The following MCTP2 variants were observed in gnomAD, a reference collection of about 807,000 sequenced individuals.
The protein encoded by MCTP2 is multiple C2 and transmembrane domain containing 2.
A neutral mutation model predicts 111.6 loss-of-function variants in MCTP2; 132 were observed. That is an observed-to-expected ratio of 1.18 (90% CI 1.03 to 1.37). MCTP2 has a LOEUF of 1.37. MCTP2 is among the 40% of genes most tolerant of loss of function. The pLI is 0.00. For synonymous variants in MCTP2, 395 were observed against 387.7 expected, an observed-to-expected ratio of 1.02 and a Z score of -0.22; for missense variants, 1,183 against 1,067.9, an observed-to-expected ratio of 1.11 and a Z score of -1.50.
intron 1 of MCTP2, among the ~76,000 whole-genome samples, chr15:94,244,058 A>G (rs2071445309): frequency 6.8e-6 from 1 of 147,372 alleles, no homozygotes; most frequent in Admixed American, 6.7e-5. Context: ...ATGTATACAC[A>G]TACATATGTG....
chr15:94,364,424 A>G (rs936056446), intron 10 of MCTP2, among the ~76,000 whole-genome samples: 1 of 152,212 alleles, frequency 6.6e-6, no homozygotes, highest in Non-Finnish European at 1.5e-5. Flanking sequence ...AGCAGTGACT[A>G]GAAAGACATA....
At chr15:94,387,043 T>C (rs1012221386) in intron 14 of MCTP2, among the ~76,000 whole-genome samples, 2 of 152,122 alleles carry the variant, frequency 1.3e-5, no homozygotes, top group Non-Finnish European at 2.9e-5. Flanking sequence ...ACCTCGTATT[T>C]TGAAGGATCT....
chr15:94,320,128 A>G (rs1446240198), intron 4 of MCTP2, among the ~76,000 whole-genome samples: 6 of 144,898 alleles, frequency 4.1e-5, no homozygotes, highest in Admixed American at 7.4e-5. Context: ...AGGAGGGAGA[A>G]TAGTTTATTA....
chr15:94,442,685 A>C (rs1229751984), intron 18 of MCTP2, among the ~76,000 whole-genome samples: 1 of 152,222 alleles, frequency 6.6e-6, no homozygotes, highest in Admixed American at 6.5e-5. Flanking sequence ...TTCAAAGGGC[A>C]CTGGCCTAAT....
At chr15:94,351,859 C>T (rs891761269) in intron 8 of MCTP2, among the ~76,000 whole-genome samples, 6 of 152,180 alleles carry the variant, frequency 3.9e-5, no homozygotes, top group Non-Finnish European at 7.3e-5. Flanking sequence ...GGCTCCAGCT[C>T]CTGACTTCAT....
rs899891373 is a variant in MCTP2 at position 94,301,380 on chromosome 15, C to G, written c.465+2650C>G. Among the ~76,000 whole-genome samples, 4 of 152,190 alleles carry G rather than the reference C, an allele frequency of 2.6e-5. No homozygotes were observed. In the East Asian group the frequency reaches 7.7e-4, roughly 29 times the overall value. On this transcript the variant is annotated intron_variant, in intron 2 of 22. Coordinates refer to ENST00000357742, the MANE Select transcript of MCTP2 (RefSeq NM_001385001.1). Reference sequence around the variant, plus strand: ...TGTTTGAGTTGGGCCTGTCCCACTACCCAGTCTGAGTTCCAAAACTGAAGA... The same window carrying G: ...TGTTTGAGTTGGGCCTGTCCCACTAGCCAGTCTGAGTTCCAAAACTGAAGA...
intron 7 of MCTP2, 79 bp downstream of exon 7, chr15:94,341,003 C>T: frequency 1.1e-6 from 1 of 871,342 alleles, no homozygotes; most frequent in Non-Finnish European, 1.9e-6. Flanking sequence ...CCCTTGATAG[C>T]TAGCAGATGA....
chr15:94,280,595 A>G (rs1166011093), intron 1 of MCTP2, among the ~76,000 whole-genome samples: 1 of 150,804 alleles, frequency 6.6e-6, no homozygotes, highest in Non-Finnish European at 1.5e-5. Flanking sequence ...TCTCAATTTG[A>G]TTCAGTTCAA....
chr15:94,390,594 A>G (rs1213727321), intron 14 of MCTP2, among the ~76,000 whole-genome samples: 1 of 152,182 alleles, frequency 6.6e-6, no homozygotes, highest in Non-Finnish European at 1.5e-5. Context: ...CAATGGACCC[A>G]TTTCAGAAGA....
At chr15:94,333,006 G>T (rs1233113236) in intron 4 of MCTP2, among the ~76,000 whole-genome samples, 1 of 152,194 alleles carries the variant, frequency 6.6e-6, no homozygotes, top group African/African-American at 2.4e-5. Context: ...GGATGCTGAG[G>T]CAGGCAGATT....
At chr15:94,345,358 G>A (rs2077920997) in intron 8 of MCTP2, among the ~76,000 whole-genome samples, 194 bp downstream of exon 8, 1 of 139,110 alleles carries the variant, frequency 7.2e-6, no homozygotes, top group African/African-American at 2.6e-5. Context: ...AGATGTTTGA[G>A]CTGACTCTTG....
intron 21 of MCTP2, among the ~76,000 whole-genome samples, chr15:94,471,840 T>A (rs746484718): frequency 5.3e-5 from 8 of 152,162 alleles, no homozygotes; most frequent in Non-Finnish European, 7.4e-5. Flanking sequence ...TATTTTTCAA[T>A]TATGTTTTCG....
At chr15:94,386,215 G>A (rs1377516964) in intron 14 of MCTP2, among the ~76,000 whole-genome samples, 2 of 152,144 alleles carry the variant, frequency 1.3e-5, no homozygotes, top group Admixed American at 1.3e-4. Context: ...TAATTAGACA[G>A]TGATATATGT....
chr15:94,251,814 C>T (rs576584236), intron 1 of MCTP2, among the ~76,000 whole-genome samples: 1 of 152,298 alleles, frequency 6.6e-6, no homozygotes, highest in East Asian at 1.9e-4. Context: ...CTGCCCCTGA[C>T]AGCCATCATT....
At chr15:94,305,479 A>G (rs1310048454) in intron 2 of MCTP2, among the ~76,000 whole-genome samples, 1 of 152,146 alleles carries the variant, frequency 6.6e-6, no homozygotes, top group Non-Finnish European at 1.5e-5. Flanking sequence ...ATACACACAC[A>G]TGCGGATATA....
At chr15:94,265,584 C>T (rs1006357878) in intron 1 of MCTP2, among the ~76,000 whole-genome samples, 1 of 152,026 alleles carries the variant, frequency 6.6e-6, no homozygotes, top group Non-Finnish European at 1.5e-5. Context: ...AGATGTACAC[C>T]ACTGTTTGCG....
At chr15:94,364,472 G>A (rs1375836485) in intron 10 of MCTP2, among the ~76,000 whole-genome samples, 1 of 152,064 alleles carries the variant, frequency 6.6e-6, no homozygotes, top group Non-Finnish European at 1.5e-5. Context: ...TTTGCAAGAA[G>A]AATCCATTAC....
Position 94,470,427 on chromosome 15 carries a change from A to C in MCTP2, c.2455A>C (p.Ile819Leu). Residue 819 changes from isoleucine (I) to leucine (L), a missense_variant, in exon 21 of 23, where the codon ATC becomes CTC. Ile to Leu is a conservative substitution (Grantham distance 5). Coordinates refer to ENST00000357742, the MANE Select transcript of MCTP2 (RefSeq NM_001385001.1). ...IILYFIPLRY[I>L]ILIWGINKFT... ...TTTGTATTTCATTCCACTGCGGTAC[A>C]TCATTTTAATCTGGGGTAAGTTTGG... The C allele has an allele frequency of 1.2e-6, 2 of 1,608,672 alleles. No individual in the cohort carries two copies. Among genetic ancestry groups the C allele is most frequent in the Non-Finnish European group, 1.7e-6 (2 of 1,175,026 alleles).
At chr15:94,345,327 T>G (rs1316781648) in intron 8 of MCTP2, among the ~76,000 whole-genome samples, 163 bp downstream of exon 8, 1 of 152,236 alleles carries the variant, frequency 6.6e-6, no homozygotes, top group African/African-American at 2.4e-5. Flanking sequence ...TTTAAAAATT[T>G]TATTTAATAA....
Sources: allele counts gnomAD v4.1 joint callset (sites outside exome capture counted in the v4.1 genomes callset), GRCh38; gene constraint gnomAD v4.1.1; transcripts MANE v1.5; gene names NCBI Gene and HGNC (gene_info 2026-07-23, HGNC 2026-07-21).